Variants in KIAA1217 observed in about 807,000 individuals in gnomAD.
KIAA1217 encodes sickle tail protein homolog.
Under a neutral mutation model 163.9 loss-of-function variants are expected in KIAA1217, and 88 were observed. The ratio of observed to expected loss-of-function variants is 0.54; its 90% confidence interval spans 0.45 to 0.64. KIAA1217 has a LOEUF of 0.64. Among genes scored for constraint, KIAA1217 ranks in the 30% least tolerant of loss-of-function variants. The pLI is 0.00. For synonymous variants in KIAA1217, 903 were observed against 923.1 expected (o/e 0.98, Z 0.39); for missense variants, 2,372 against 2,475.0 (o/e 0.96, Z 0.88).
At chr10:24,267,524 G>A (rs548419192) in intron 2 of KIAA1217, among the ~76,000 whole-genome samples, 3 of 152,214 alleles carry the variant, frequency 2.0e-5, no homozygotes, top group South Asian at 4.2e-4. Context: ...TGTTGCCCAC[G>A]CTAGTCTTGA....
intron 1 of KIAA1217, among the ~76,000 whole-genome samples, chr10:23,965,460 T>C (rs1374354822): frequency 6.6e-6 from 1 of 152,264 alleles, no homozygotes; most frequent in East Asian, 1.9e-4. Context: ...GGATGCCTTT[T>C]TGTTTCCAGC....
intron 3 of KIAA1217, among the ~76,000 whole-genome samples, chr10:24,422,209 C>G (rs1213198273): frequency 6.6e-6 from 1 of 152,150 alleles, no homozygotes; most frequent in African/African-American, 2.4e-5. Context: ...CACCAGGTCC[C>G]TCCTATGATA....
intron 1 of KIAA1217, among the ~76,000 whole-genome samples, chr10:23,774,724 G>A (rs1219659746): frequency 6.6e-6 from 1 of 152,154 alleles, no homozygotes; most frequent in Non-Finnish European, 1.5e-5. Context: ...AGAAAAAGGT[G>A]CAGTCTGGGG....
At chr10:24,283,855 T>G (rs2078242870) in intron 2 of KIAA1217, among the ~76,000 whole-genome samples, 1 of 152,164 alleles carries the variant, frequency 6.6e-6, no homozygotes, top group South Asian at 2.1e-4. Context: ...TTGTTTTAAT[T>G]TGCAATTCCT....
intron 1 of KIAA1217, among the ~76,000 whole-genome samples, chr10:23,990,061 A>G (rs752980000): frequency 3.3e-5 from 5 of 152,226 alleles, no homozygotes; most frequent in Non-Finnish European, 7.3e-5. Flanking sequence ...AAGCTTTGGG[A>G]GAGAGTTGAT....
At chr10:24,520,602 A>T (rs1231377589) in intron 11 of KIAA1217, among the ~76,000 whole-genome samples, 1 of 140,306 alleles carries the variant, frequency 7.1e-6, no homozygotes, top group Non-Finnish European at 1.5e-5. Flanking sequence ...CAGCCTGGGC[A>T]ATATAGAGAG....
intron 1 of KIAA1217, among the ~76,000 whole-genome samples, chr10:23,766,412 A>G (rs1414187007): frequency 6.6e-6 from 1 of 152,188 alleles, no homozygotes; most frequent in African/African-American, 2.4e-5. Flanking sequence ...ACAATAATTT[A>G]TTTTTCAGTC....
chr10:23,882,073 T>C (rs999967908), intron 1 of KIAA1217, among the ~76,000 whole-genome samples: 1 of 151,980 alleles, frequency 6.6e-6, no homozygotes, highest in Admixed American at 6.6e-5. Context: ...GTTATACTTT[T>C]GATATCATCA....
At chr10:24,506,895 T>C (rs1322798864) in intron 9 of KIAA1217, among the ~76,000 whole-genome samples, 4 of 152,168 alleles carry the variant, frequency 2.6e-5, no homozygotes, top group Non-Finnish European at 4.4e-5. Context: ...CATCAATAAA[T>C]GGGTCTGTTA....
chr10:23,699,932 G>A (rs1178360800), intron 1 of KIAA1217, among the ~76,000 whole-genome samples: 1 of 152,170 alleles, frequency 6.6e-6, no homozygotes, highest in Admixed American at 6.5e-5. Flanking sequence ...CATACTGTTT[G>A]GCACACAATG....
chr10:24,455,449 G>T (rs989184605), intron 5 of KIAA1217, among the ~76,000 whole-genome samples: 1 of 152,108 alleles, frequency 6.6e-6, no homozygotes, highest in Non-Finnish European at 1.5e-5. Context: ...TTAATTTTGC[G>T]CATTATTACA....
chr10:23,962,675 C>T (rs921689169), intron 1 of KIAA1217, among the ~76,000 whole-genome samples: 6 of 152,152 alleles, frequency 3.9e-5, no homozygotes, highest in African/African-American at 1.2e-4. Context: ...ATTCTGATTC[C>T]ATCTATGCCT....
chr10:24,423,051 C>CCCA (rs1160982219), intron 3 of KIAA1217, among the ~76,000 whole-genome samples: 12 of 151,408 alleles, frequency 7.9e-5, no homozygotes, highest in African/African-American at 2.7e-4. Flanking sequence ...ACTACAGGCA[C>CCCA]CCACCACCAC....
At chr10:24,106,824 T>A (rs939874050) in intron 2 of KIAA1217, among the ~76,000 whole-genome samples, 2 of 152,172 alleles carry the variant, frequency 1.3e-5, no homozygotes, top group Non-Finnish European at 2.9e-5. Flanking sequence ...ACCAGTTATT[T>A]CATCACCAAT....
At chr10:24,319,628 G>T (rs1221261757) in intron 2 of KIAA1217, among the ~76,000 whole-genome samples, 3 of 152,134 alleles carry the variant, frequency 2.0e-5, no homozygotes, top group Non-Finnish European at 4.4e-5. Context: ...GAGGCCCGGG[G>T]GCTAGAGCGC....
At chr10:24,005,444 T>C (rs1425690880) in intron 1 of KIAA1217, among the ~76,000 whole-genome samples, 2 of 152,228 alleles carry the variant, frequency 1.3e-5, no homozygotes, top group Non-Finnish European at 2.9e-5. Context: ...CAAACAGCTA[T>C]GTTTATGTCA....
chr10:24,147,473 T>C (rs2064373517), intron 2 of KIAA1217, among the ~76,000 whole-genome samples: 1 of 152,108 alleles, frequency 6.6e-6, no homozygotes, highest in Non-Finnish European at 1.5e-5. Flanking sequence ...GTCCAACAGA[T>C]GTGCTATGTC....
chr10:24,031,584 AC>A, intron 2 of KIAA1217, among the ~76,000 whole-genome samples: 1 of 152,220 alleles, frequency 6.6e-6, no homozygotes, highest in African/African-American at 2.4e-5. Flanking sequence ...ACAGGCTCAC[AC>A]CACTATGCCC....
intron 3 of KIAA1217, among the ~76,000 whole-genome samples, chr10:24,388,746 G>A (rs931147183): frequency 6.6e-5 from 10 of 152,012 alleles, no homozygotes; most frequent in African/African-American, 2.2e-4. Flanking sequence ...GCGGGCGAAG[G>A]ATATGAACAG....
Sources: allele counts gnomAD v4.1 joint callset (sites outside exome capture counted in the v4.1 genomes callset), GRCh38; gene constraint gnomAD v4.1.1; transcripts MANE v1.5; gene names NCBI Gene and HGNC (gene_info 2026-07-23, HGNC 2026-07-21).